Variants in PREX1 observed in about 807,000 individuals in gnomAD.
The protein encoded by PREX1 is phosphatidylinositol-3,4,5-trisphosphate dependent Rac exchange factor 1, also known as phosphatidylinositol 3,4,5-trisphosphate-dependent Rac exchanger 1 protein.
A neutral mutation model predicts 198.3 loss-of-function variants in PREX1; 41 were observed. That is an observed-to-expected ratio of 0.21 (90% CI 0.16 to 0.27). The LOEUF (loss-of-function observed/expected upper bound fraction) is 0.27. Ranked by LOEUF, PREX1 falls within the 10% of genes least tolerant of loss-of-function variation. The probability of loss-of-function intolerance (pLI) is 1.00; values close to 1 mark genes in which losing one functional copy is unlikely to be tolerated. For missense variants in PREX1, 1,620 were observed against 2,200.7 expected, an observed-to-expected ratio of 0.74 and a Z score of 5.28; for synonymous variants, 843 against 887.2, an observed-to-expected ratio of 0.95 and a Z score of 0.89.
intron 1 of PREX1, among the ~76,000 whole-genome samples, chr20:48,792,964 G>A (rs1442241963): frequency 6.6e-6 from 1 of 152,126 alleles, no homozygotes; most frequent in African/African-American, 2.4e-5. Flanking sequence ...CCAGCACTTT[G>A]AGAGGCAAGT....
chr20:48,842,226 A>G, the PREX1 span, among the ~76,000 whole-genome samples: 26 of 152,200 alleles, frequency 1.7e-4, no homozygotes, highest in African/African-American at 5.8e-4. Flanking sequence ...TGGCACATAG[A>G]GTGATTTAGG....
rs111992900 is a variant in PREX1, at chr20:48,782,146, A to G, written c.220-34266T>C. ...TGACTCAGTCAACAATTAGCAAAGG[A>G]AAAAGTCAGGCTGGGTCACTGATAT... On this transcript the variant is annotated intron_variant, in intron 1 of 39. Coordinates refer to ENST00000371941, the MANE Select transcript of PREX1 (RefSeq NM_020820.4). 8.4e-4 allele frequency among the ~76,000 whole-genome samples: 128 copies of G among 152,280 alleles called. 3 individuals are homozygous for G. The South Asian group carries it at 0.011, about 13-fold the overall frequency.
In PREX1 at chr20:48,691,198, G is replaced by T; in HGVS notation, c.1037-102C>A. ...CCGCCCCAGCACAGGCAGGGCCCTC[G>T]CCTGGATCAGGATGGGGAGCTGGAC... On this transcript the variant is annotated intron_variant, in intron 8 of 39. Coordinates refer to ENST00000371941, the MANE Select transcript of PREX1 (RefSeq NM_020820.4). This position sits in a 1 kb window ranked among gnomAD's most constrained non-coding sequence, Gnocchi z 5.0. The T allele has an allele frequency of 3.5e-6, 5 of 1,442,082 alleles. No homozygotes were observed. The highest frequency in any genetic ancestry group is 1.4e-5 in the African/African-American group (1 of 71,592). The allele number at this position is 1,442,082 out of a possible 1,614,324, so 89.3% of individuals were successfully genotyped here.
chr20:48,845,798 G>A, the PREX1 span, among the ~76,000 whole-genome samples: 1 of 152,128 alleles, frequency 6.6e-6, no homozygotes, highest in Admixed American at 6.5e-5. Context: ...GAAGCCGCGA[G>A]GAGGCCAGTG....
the PREX1 span, among the ~76,000 whole-genome samples, chr20:48,877,883 C>T: frequency 1.5e-3 from 222 of 152,114 alleles, no homozygotes; most frequent in Non-Finnish European, 1.5e-3. Flanking sequence ...CTGAGGCGGG[C>T]GGATCACCTG....
intron 1 of PREX1, among the ~76,000 whole-genome samples, chr20:48,771,792 T>C (rs985775051): frequency 6.6e-6 from 1 of 152,108 alleles, no homozygotes; most frequent in African/African-American, 2.4e-5. Flanking sequence ...CCATAAATCC[T>C]CACCACAGCC....
chr20:48,629,643 A>C lies in PREX1; in HGVS notation c.4594-22T>G, dbSNP rs11699725. On this transcript the variant is annotated intron_variant, in intron 36 of 39. Transcript: ENST00000371941. Reference sequence around the variant, plus strand: ...TCAGCTGTAGGGGGTACCACACATAACCGGGGAGTTGGAGGAGGTCCTCAC... The same window carrying C: ...TCAGCTGTAGGGGGTACCACACATACCCGGGGAGTTGGAGGAGGTCCTCAC... The C allele has an allele frequency of 0.094, 151,193 of 1,607,904 alleles. 7,979 individuals carry two copies. Among genetic ancestry groups the C allele is most frequent in the East Asian group, 0.17 (7,664 of 44,712 alleles).
chr20:48,834,147 C>T, the PREX1 span, among the ~76,000 whole-genome samples: 1 of 151,980 alleles, frequency 6.6e-6, no homozygotes, highest in African/African-American at 2.4e-5. Context: ...TATTGCTTTC[C>T]TAATGGAGCA....
At chr20:48,652,210 T>C (rs752097729) in intron 21 of PREX1, among the ~76,000 whole-genome samples, 7 of 152,036 alleles carry the variant, frequency 4.6e-5, no homozygotes, top group African/African-American at 7.2e-5. Flanking sequence ...GGCAAGAAGA[T>C]TGCTTCAGCC....
chr20:48,775,185 G>A (rs1242341075), intron 1 of PREX1, among the ~76,000 whole-genome samples: 1 of 152,196 alleles, frequency 6.6e-6, no homozygotes, highest in Non-Finnish European at 1.5e-5. Context: ...AGGCCCTGGG[G>A]ATGAGCATGA....
intron 9 of PREX1, among the ~76,000 whole-genome samples, chr20:48,689,399 A>G (rs1192397216): frequency 6.6e-6 from 1 of 152,234 alleles, no homozygotes; most frequent in African/African-American, 2.4e-5. Flanking sequence ...ACAGATAAAG[A>G]AACTGAGGTC....
At chr20:48,712,990 G>A (rs775560280) in intron 5 of PREX1, among the ~76,000 whole-genome samples, 22 of 152,164 alleles carry the variant, frequency 1.4e-4, no homozygotes, top group Admixed American at 3.3e-4. Flanking sequence ...CGGGCGTGGC[G>A]GCACGTGCCT....
chr20:48,828,064 G>A (rs537766769), upstream of PREX1, among the ~76,000 whole-genome samples: 1,104 of 147,216 alleles, frequency 7.5e-3, 15 homozygotes, highest in African/African-American at 0.026. Context: ...GGCGGGAGGG[G>A]GCGGCCCTCG....
intron 10 of PREX1, among the ~76,000 whole-genome samples, chr20:48,686,047 C>A (rs765580865): frequency 6.6e-6 from 1 of 152,188 alleles, no homozygotes; most frequent in Non-Finnish European, 1.5e-5. Context: ...GAGACAGCAC[C>A]AGTGTCGCTT....
At chr20:48,740,773 T>C (rs915251861) in intron 3 of PREX1, among the ~76,000 whole-genome samples, 7 of 152,246 alleles carry the variant, frequency 4.6e-5, no homozygotes, top group Non-Finnish European at 8.8e-5. Flanking sequence ...GAACGCTGGC[T>C]CCTTTTTCAA....
At chr20:48,787,558 T>C (rs1337485108) in intron 1 of PREX1, among the ~76,000 whole-genome samples, 2 of 150,640 alleles carry the variant, frequency 1.3e-5, no homozygotes, top group East Asian at 2.0e-4. Context: ...CCCCACATTA[T>C]GGATTTATGT....
At chr20:48,865,517 T>TA in the PREX1 span, among the ~76,000 whole-genome samples, 2 of 152,208 alleles carry the variant, frequency 1.3e-5, no homozygotes, top group Non-Finnish European at 2.9e-5. Context: ...CAGAACATTA[T>TA]ATGCTATCCT....
intron 26 of PREX1, among the ~76,000 whole-genome samples, chr20:48,644,867 C>T (rs1322406159): frequency 1.3e-5 from 2 of 152,238 alleles, no homozygotes; most frequent in Non-Finnish European, 2.9e-5. Flanking sequence ...CCCAGCCTGG[C>T]TGGAAACCTC....
chr20:48,773,880 A>C (rs988239472), intron 1 of PREX1, among the ~76,000 whole-genome samples: 1 of 152,184 alleles, frequency 6.6e-6, no homozygotes, highest in Non-Finnish European at 1.5e-5. Flanking sequence ...TGTAGCAGGG[A>C]GCTCAGGAGG....
Sources: allele counts gnomAD v4.1 joint callset (sites outside exome capture counted in the v4.1 genomes callset), GRCh38; gene constraint gnomAD v4.1.1; non-coding constraint Gnocchi (gnomAD v3.1); transcripts MANE v1.5; gene names NCBI Gene and HGNC (gene_info 2026-07-23, HGNC 2026-07-21).